The following PSAP variants were observed in gnomAD, a reference collection of about 807,000 sequenced individuals.
The protein encoded by PSAP is prosaposin.
Under a neutral mutation model 66.0 loss-of-function variants are expected in PSAP, and 25 were observed. The ratio of observed to expected loss-of-function variants is 0.38; its 90% confidence interval spans 0.28 to 0.53. PSAP has a LOEUF of 0.53. Among genes scored for constraint, PSAP ranks in the 20% least tolerant of loss-of-function variants. The pLI is 0.83. For missense variants in PSAP, 649 were observed against 668.8 expected (o/e 0.97, Z 0.33); for synonymous variants, 273 against 258.9 (o/e 1.05, Z -0.52).
At chr10:71,836,443 C>T (rs929945720) in intron 1 of PSAP, among the ~76,000 whole-genome samples, 9 of 152,132 alleles carry the variant, frequency 5.9e-5, no homozygotes, top group Non-Finnish European at 8.8e-5. Flanking sequence ...AACCCCAGAC[C>T]TGATGACTCC....
At chr10:71,851,047 G>T in intron 1 of PSAP, 135 bp downstream of exon 1, 1 of 1,019,580 alleles carries the variant, frequency 9.8e-7, no homozygotes, top group Non-Finnish European at 1.5e-6. Flanking sequence ...GCCAGCGAAC[G>T]CGCCTGCGCA....
Position 71,831,171 on chromosome 10 carries a change from C to T in PSAP, c.330G>A (p.Val110=). 2.5e-6 allele frequency: 4 copies of T among 1,614,028 alleles called. No individual in the cohort carries two copies. The highest frequency in any genetic ancestry group is 3.4e-6 in the Non-Finnish European group (4 of 1,179,938). The change falls in exon 4 of 14, where the codon GTG becomes GTA. Residue 110 remains valine, a synonymous_variant. Transcript: ENST00000394936. The part of the protein sequence containing the change: ...PNMSASCKEI[V]DSYLPVILDI... ...CCAGGATGACAGGGAGGTAGGAGTC[C>T]ACTATCTCCTTGCATGAAGCAGACA...
chr10:71,822,189 A>G (rs1393871232), intron 7 of PSAP, 182 bp from the exon 8 acceptor site: 6 of 745,164 alleles, frequency 8.1e-6, no homozygotes, highest in Non-Finnish European at 1.4e-5. Context: ...TGTCTGAAGC[A>G]GTGCATATGT....
Position 71,819,755 on chromosome 10 carries a change from A to G in PSAP, c.1151T>C (p.Met384Thr). ...EEVSPELVCS[M>T]LHLCSGTRLP... ...CCGCGTGCCAGAGCAGAGGTGCAGC[A>G]TGCTGCACACCAGCTCAGGGCTGAC... The change falls in exon 10 of 14, where the codon ATG (methionine) becomes ACG (threonine). Residue 384 changes from methionine (M) to threonine (T), a missense_variant. Physicochemically the swap from Met to Thr is moderately conservative, Grantham distance 81 (BLOSUM62 -1). Transcript: ENST00000394936. 6.2e-7 allele frequency: 1 copy of G among 1,614,106 alleles called. No individual in the cohort carries two copies. Among genetic ancestry groups the G allele is most frequent in the Non-Finnish European group, 8.5e-7 (1 of 1,180,010 alleles).
At chr10:71,837,488 G>T (rs1842648109) in intron 1 of PSAP, among the ~76,000 whole-genome samples, 2 of 152,206 alleles carry the variant, frequency 1.3e-5, no homozygotes. Context: ...AACTTCTCAG[G>T]TCCCAGCTGT....
At chr10:71,849,247 T>C (rs1000685192) in intron 1 of PSAP, among the ~76,000 whole-genome samples, 11 of 152,366 alleles carry the variant, frequency 7.2e-5, no homozygotes, top group East Asian at 1.9e-4. Context: ...TCATCTTTCA[T>C]TGTGTACAAG....
At chr10:71,818,893 T>C in intron 12 of PSAP, 138 bp downstream of exon 12, 1 of 1,033,234 alleles carries the variant, frequency 9.7e-7, no homozygotes, top group Non-Finnish European at 1.5e-6. Flanking sequence ...GGGGGCTGGC[T>C]CCCTACCTTC....
Position 71,847,612 on chromosome 10 carries a change from T to C in PSAP, c.40+3570A>G, listed in dbSNP as rs144019144. Among the ~76,000 whole-genome samples, 1,012 of 151,764 alleles carry C rather than the reference T, an allele frequency of 6.7e-3. 12 individuals carry two copies. The highest frequency in any genetic ancestry group is 0.024 in the African/African-American group (979 of 41,388). On this transcript the variant is annotated intron_variant, in intron 1 of 13. Transcript: ENST00000394936. Reference sequence around the variant, plus strand: ...CTCTCACAAGAGAGAGCTGCTCTCCTTTCTCCTTTCTTCTGCCTATTAAAC... The same window carrying C: ...CTCTCACAAGAGAGAGCTGCTCTCCCTTCTCCTTTCTTCTGCCTATTAAAC...
intron 13 of PSAP, among the ~76,000 whole-genome samples, 164 bp from the exon 14 acceptor site, chr10:71,817,640 A>T (rs565850672): frequency 1.3e-5 from 2 of 152,228 alleles, no homozygotes; most frequent in Non-Finnish European, 2.9e-5. Flanking sequence ...ACTTAAAAAC[A>T]GGGAACACGT....
At chr10:71,831,810 G>A (rs748249687) in intron 3 of PSAP, 36 bp downstream of exon 3, 72 of 1,598,192 alleles carry the variant, frequency 4.5e-5, no homozygotes, top group Middle Eastern at 3.6e-4. Flanking sequence ...GCACGTGCCC[G>A]TGGCTCAAGC....
chr10:71,835,321 G>A (rs1051234697), intron 1 of PSAP, among the ~76,000 whole-genome samples: 1 of 152,112 alleles, frequency 6.6e-6, no homozygotes, highest in Admixed American at 6.5e-5. Context: ...GGTGGCTCAT[G>A]CCTATAATCT....
chr10:71,839,298 G>A (rs189100387), intron 1 of PSAP, among the ~76,000 whole-genome samples: 19 of 152,222 alleles, frequency 1.2e-4, no homozygotes, highest in Middle Eastern at 3.4e-3. Flanking sequence ...GGAGTGCAGT[G>A]GCACGATCTC....
chr10:71,818,542 C>T, intron 13 of PSAP, 75 bp downstream of exon 13: 2 of 1,249,674 alleles, frequency 1.6e-6, no homozygotes, highest in Non-Finnish European at 2.4e-6. Context: ...CACTGGGTTC[C>T]CATTAAAGCA....
At chr10:71,828,551 G>A (rs1842440605) in intron 5 of PSAP, among the ~76,000 whole-genome samples, 1 of 152,108 alleles carries the variant, frequency 6.6e-6, no homozygotes, top group Non-Finnish European at 1.5e-5. Context: ...AGGCTAAGGT[G>A]GGAGGATCAC....
chr10:71,823,921 C>A (rs565052350), intron 7 of PSAP: 4 of 1,292,576 alleles, frequency 3.1e-6, no homozygotes, highest in Middle Eastern at 2.1e-4. Flanking sequence ...AACAGGAAAT[C>A]GGAGGTGAAA....
intron 2 of PSAP, among the ~76,000 whole-genome samples, chr10:71,832,946 G>C (rs112103695): frequency 0.055 from 8,197 of 150,360 alleles, 402 homozygotes; most frequent in African/African-American, 0.13. Flanking sequence ...GAACCCGGGA[G>C]GCGGAGGTTG....
intron 1 of PSAP, among the ~76,000 whole-genome samples, chr10:71,843,222 A>C (rs978644462): frequency 2.6e-5 from 4 of 152,106 alleles, no homozygotes; most frequent in Non-Finnish European, 5.9e-5. Context: ...TGTTCCAGAG[A>C]GGTGGAATTC....
chr10:71,838,633 G>A (rs1842672670), intron 1 of PSAP, among the ~76,000 whole-genome samples: 1 of 152,188 alleles, frequency 6.6e-6, no homozygotes, highest in African/African-American at 2.4e-5. Flanking sequence ...GCACGCCTCA[G>A]TAGTCCCAGC....
intron 1 of PSAP, among the ~76,000 whole-genome samples, chr10:71,835,839 AC>A (rs59015098): frequency 0.7 from 80,531 of 114,860 alleles, 27,564 homozygotes; most frequent in Non-Finnish European, 0.77. Context: ...AAAAAAAAAA[AC>A]AAAACACAAT....
Sources: gnomAD v4.1 joint callset for allele counts (sites outside exome capture counted in the v4.1 genomes callset) on GRCh38, gnomAD v4.1.1 for gene constraint, MANE v1.5 for transcripts, NCBI Gene and HGNC (gene_info 2026-07-23, HGNC 2026-07-21) for gene names.